Variants in FHOD3 observed in about 807,000 individuals in gnomAD.
FHOD3 encodes FH1/FH2 domain-containing protein 3.
FHOD3 carries 90 observed loss-of-function variants against 173.0 expected under a neutral mutation model. The ratio of observed to expected loss-of-function variants is 0.52; its 90% confidence interval spans 0.44 to 0.62. The LOEUF is 0.62. FHOD3 is among the 20% of genes least tolerant of loss of function. FHOD3 has a pLI of 0.00. For missense variants in FHOD3, 1,945 were observed against 2,034.7 expected, an observed-to-expected ratio of 0.96 and a Z score of 0.85; for synonymous variants, 828 against 823.0, an observed-to-expected ratio of 1.01 and a Z score of -0.10.
chr18:36,456,273 T>A (rs1045602161), intron 3 of FHOD3, among the ~76,000 whole-genome samples: 10 of 152,144 alleles, frequency 6.6e-5, no homozygotes, highest in Admixed American at 2.6e-4. Context: ...ACAAATCAAC[T>A]TCTGACATTG....
At chr18:36,756,643 A>G (rs1298111242) in intron 25 of FHOD3, among the ~76,000 whole-genome samples, 1 of 152,228 alleles carries the variant, frequency 6.6e-6, no homozygotes, top group Non-Finnish European at 1.5e-5. Context: ...TCTGACTTAC[A>G]TGGAAGGCCA....
intron 9 of FHOD3, 111 bp downstream of exon 9, chr18:36,612,206 T>G (rs1411480793): frequency 8.4e-7 from 1 of 1,184,984 alleles, no homozygotes; most frequent in East Asian, 2.4e-5. Flanking sequence ...ACCAGCTTAT[T>G]AGAAACTCAG....
At chr18:36,529,835 G>T (rs369500356) in intron 5 of FHOD3, among the ~76,000 whole-genome samples, 3 of 152,144 alleles carry the variant, frequency 2.0e-5, no homozygotes, top group African/African-American at 7.2e-5. Context: ...GGTTAAGGTG[G>T]TCTGAACCTT....
At chr18:36,555,263 A>G (rs1400620968) in intron 5 of FHOD3, among the ~76,000 whole-genome samples, 1 of 151,634 alleles carries the variant, frequency 6.6e-6, no homozygotes, top group African/African-American at 2.4e-5. Flanking sequence ...AATCCTTTTA[A>G]TTTCTCTTTT....
At chr18:36,543,728 C>G (rs1356960192) in intron 5 of FHOD3, among the ~76,000 whole-genome samples, 1 of 152,186 alleles carries the variant, frequency 6.6e-6, no homozygotes, top group Non-Finnish European at 1.5e-5. Context: ...CAAAATGGGA[C>G]AAAGTACTGT....
chr18:36,686,109 C>T (rs2038596310), intron 15 of FHOD3, among the ~76,000 whole-genome samples: 1 of 151,920 alleles, frequency 6.6e-6, no homozygotes, highest in African/African-American at 2.4e-5. Context: ...TGGGTATATA[C>T]CCAAAGGAAT....
intron 1 of FHOD3, among the ~76,000 whole-genome samples, chr18:36,351,191 C>T (rs1299617245): frequency 1.3e-5 from 2 of 152,114 alleles, no homozygotes; most frequent in African/African-American, 2.4e-5. Flanking sequence ...CCTATAGCCC[C>T]GCTGTGAGGA....
chr18:36,636,423 G>A (rs934985138), intron 10 of FHOD3, among the ~76,000 whole-genome samples: 3 of 152,134 alleles, frequency 2.0e-5, no homozygotes, highest in Non-Finnish European at 4.4e-5. Flanking sequence ...CATTGATGAA[G>A]GTTGAACAAA....
chr18:36,520,317 C>A (rs967164759), intron 5 of FHOD3, among the ~76,000 whole-genome samples: 2 of 152,096 alleles, frequency 1.3e-5, no homozygotes, highest in Non-Finnish European at 1.5e-5. Flanking sequence ...TTGAATATAG[C>A]AAGCATTCAG....
At chr18:36,413,557 A>G (rs929385033) in intron 3 of FHOD3, among the ~76,000 whole-genome samples, 4 of 152,162 alleles carry the variant, frequency 2.6e-5, no homozygotes, top group African/African-American at 9.7e-5. Context: ...TTTGGAGTTA[A>G]GATTAACTGT....
At chr18:36,748,886 A>G (rs948633) in intron 24 of FHOD3, among the ~76,000 whole-genome samples, 40,959 of 151,752 alleles carry the variant, frequency 0.27, 5,741 homozygotes, top group East Asian at 0.51. Context: ...ACTGTGCCTC[A>G]TTTTTCCTTC....
chr18:36,584,818 T>C (rs577230686), intron 6 of FHOD3, among the ~76,000 whole-genome samples: 4 of 152,108 alleles, frequency 2.6e-5, no homozygotes, highest in Non-Finnish European at 5.9e-5. Context: ...GAAATCTTGA[T>C]AGTAAAAAAT....
intron 1 of FHOD3, among the ~76,000 whole-genome samples, chr18:36,335,760 T>TC (rs1249559249): frequency 6.6e-6 from 1 of 152,160 alleles, no homozygotes; most frequent in African/African-American, 2.4e-5. Context: ...GTTCCTGGCC[T>TC]CCAAGTGTGC....
intron 24 of FHOD3, among the ~76,000 whole-genome samples, chr18:36,749,480 C>T (rs1244138474): frequency 6.6e-6 from 1 of 152,152 alleles, no homozygotes; most frequent in African/African-American, 2.4e-5. Flanking sequence ...GCCTCCAGCT[C>T]CATCCATGTT....
At chr18:36,316,719 A>C (rs1394404172) in intron 1 of FHOD3, among the ~76,000 whole-genome samples, 1 of 149,516 alleles carries the variant, frequency 6.7e-6, no homozygotes, top group East Asian at 2.0e-4. Context: ...GGTGGGCTTC[A>C]TTTTTTTTTT....
intron 6 of FHOD3, among the ~76,000 whole-genome samples, chr18:36,591,300 T>C (rs1416436913): frequency 6.6e-6 from 1 of 152,146 alleles, no homozygotes; most frequent in African/African-American, 2.4e-5. Context: ...GCTCCCTGTG[T>C]GGGGAGGAGG....
intron 2 of FHOD3, among the ~76,000 whole-genome samples, chr18:36,360,979 C>T (rs2046579343): frequency 6.6e-6 from 1 of 152,112 alleles, no homozygotes; most frequent in Non-Finnish European, 1.5e-5. Context: ...AAAAACCAAA[C>T]CGAAACAAGA....
At chr18:36,630,662 G>A (rs984126066) in intron 10 of FHOD3, among the ~76,000 whole-genome samples, 1 of 152,198 alleles carries the variant, frequency 6.6e-6, no homozygotes, top group Non-Finnish European at 1.5e-5. Flanking sequence ...CAGAGGAAGA[G>A]GAACCTGGCA....
At chr18:36,396,056 C>A (rs1399164757) in intron 3 of FHOD3, among the ~76,000 whole-genome samples, 2 of 152,088 alleles carry the variant, frequency 1.3e-5, no homozygotes, top group Admixed American at 6.6e-5. Flanking sequence ...TGTATAATAT[C>A]CTTGGCCAAC....
Sources: allele counts gnomAD v4.1 joint callset (sites outside exome capture counted in the v4.1 genomes callset), GRCh38; gene constraint gnomAD v4.1.1; transcripts MANE v1.5; gene names NCBI Gene and HGNC (gene_info 2026-07-23, HGNC 2026-07-21).